The following MAPKAP1 variants were observed in gnomAD, a reference collection of about 807,000 sequenced individuals.
MAPKAP1 encodes MAPK associated protein 1, also known as target of rapamycin complex 2 subunit MAPKAP1.
A neutral mutation model predicts 65.7 loss-of-function variants in MAPKAP1; 20 were observed. That is an observed-to-expected ratio of 0.30 (90% CI 0.21 to 0.44). The LOEUF is 0.44. Ranked by LOEUF, MAPKAP1 falls within the 20% of genes least tolerant of loss-of-function variation. The pLI, the probability that MAPKAP1 is intolerant of heterozygous loss-of-function variation, is 1.00. For synonymous variants in MAPKAP1, 222 were observed against 244.3 expected, an observed-to-expected ratio of 0.91 and a Z score of 0.85; for missense variants, 423 against 648.0, an observed-to-expected ratio of 0.65 and a Z score of 3.77.
At chr9:125,492,698 A>G (rs916998345) in intron 8 of MAPKAP1, among the ~76,000 whole-genome samples, 1 of 152,236 alleles carries the variant, frequency 6.6e-6, no homozygotes, top group African/African-American at 2.4e-5. Flanking sequence ...TTATGGTTCA[A>G]GGAGTCTTAC....
chr9:125,545,839 TATC>T (rs566899719), intron 6 of MAPKAP1, among the ~76,000 whole-genome samples: 70 of 152,208 alleles, frequency 4.6e-4, no homozygotes, highest in Non-Finnish European at 8.5e-4. Context: ...CCCTGGCACT[TATC>T]ATCCACAGGC....
intron 8 of MAPKAP1, among the ~76,000 whole-genome samples, chr9:125,490,208 AC>A (rs1854646758): frequency 6.6e-6 from 1 of 152,220 alleles, no homozygotes; most frequent in Non-Finnish European, 1.5e-5. Flanking sequence ...GACATGACTT[AC>A]TTTTTTCATG....
intron 7 of MAPKAP1, among the ~76,000 whole-genome samples, chr9:125,533,075 A>G (rs546439240): frequency 4.6e-5 from 7 of 152,214 alleles, no homozygotes; most frequent in African/African-American, 1.7e-4. Flanking sequence ...ATTTCTCTAC[A>G]TGATGGGGTG....
chr9:125,457,964 A>C (rs1853254345), intron 10 of MAPKAP1, among the ~76,000 whole-genome samples: 1 of 152,008 alleles, frequency 6.6e-6, no homozygotes, highest in Non-Finnish European at 1.5e-5. Flanking sequence ...TCCATCTCTT[A>C]TCTCTGTCTT....
intron 9 of MAPKAP1, among the ~76,000 whole-genome samples, chr9:125,482,742 A>G (rs1291457008): frequency 6.6e-6 from 1 of 151,960 alleles, no homozygotes; most frequent in Non-Finnish European, 1.5e-5. Flanking sequence ...AGTTTCCAAG[A>G]ACCTTTGGAT....
At chr9:125,505,433 AAG>A (rs555616335) in intron 8 of MAPKAP1, among the ~76,000 whole-genome samples, 140 of 152,270 alleles carry the variant, frequency 9.2e-4, no homozygotes, top group African/African-American at 3.2e-3. Flanking sequence ...TCAAAAAAAA[AAG>A]AGTTTGAGAC....
intron 1 of MAPKAP1, among the ~76,000 whole-genome samples, chr9:125,706,345 G>C (rs1835758147): frequency 6.6e-6 from 1 of 152,068 alleles, no homozygotes; most frequent in Non-Finnish European, 1.5e-5. Context: ...GCTTTGTACA[G>C]TGCCAGGTAC....
intron 9 of MAPKAP1, 47 bp downstream of exon 9, chr9:125,484,396 C>T (rs765716858): frequency 1.7e-5 from 27 of 1,560,004 alleles, no homozygotes; most frequent in East Asian, 4.6e-5. Context: ...ATTTCTACAC[C>T]GACTGCTGAC....
At chr9:125,508,327 G>T (rs1829204100) in intron 7 of MAPKAP1, among the ~76,000 whole-genome samples, 1 of 152,150 alleles carries the variant, frequency 6.6e-6, no homozygotes, top group Admixed American at 6.5e-5. Flanking sequence ...TGGGTAGAAG[G>T]AATCTCAGAA....
chr9:125,596,007 G>C, intron 4 of MAPKAP1: 1 of 1,516,810 alleles, frequency 6.6e-7, no homozygotes, highest in South Asian at 1.1e-5. Flanking sequence ...CATTAAAGAA[G>C]ACACTGAAGA....
intron 5 of MAPKAP1, among the ~76,000 whole-genome samples, chr9:125,569,084 C>A (rs1717704550): frequency 1.3e-5 from 2 of 152,176 alleles, no homozygotes; most frequent in Admixed American, 1.3e-4. Flanking sequence ...GCCCACTTTT[C>A]CAGACAAGCC....
intron 4 of MAPKAP1, chr9:125,596,029 G>A (rs761688542): frequency 1.4e-5 from 21 of 1,476,084 alleles, no homozygotes; most frequent in Admixed American, 3.3e-5. Context: ...CATCACCTGC[G>A]AGATTATTTT....
intron 1 of MAPKAP1, among the ~76,000 whole-genome samples, chr9:125,702,669 C>T (rs745363785): frequency 7.9e-5 from 12 of 151,854 alleles, no homozygotes; most frequent in South Asian, 6.2e-4. Flanking sequence ...CTGGCCAACA[C>T]GGCAAAACCC....
At chr9:125,675,439 T>C (rs1445091305) in intron 1 of MAPKAP1, among the ~76,000 whole-genome samples, 1 of 152,220 alleles carries the variant, frequency 6.6e-6, no homozygotes, top group Non-Finnish European at 1.5e-5. Context: ...CAAACACTTC[T>C]GAAGGCACAT....
At chr9:125,520,608 C>G (rs1472071733) in intron 7 of MAPKAP1, among the ~76,000 whole-genome samples, 1 of 152,210 alleles carries the variant, frequency 6.6e-6, no homozygotes, top group African/African-American at 2.4e-5. Context: ...CTACAAAGAC[C>G]TCTTGTACTA....
At chr9:125,519,640 T>C (rs1444035493) in intron 7 of MAPKAP1, among the ~76,000 whole-genome samples, 3 of 135,830 alleles carry the variant, frequency 2.2e-5, no homozygotes, top group Non-Finnish European at 4.8e-5. Context: ...TATATATACA[T>C]ATATATGTCT....
intron 4 of MAPKAP1, among the ~76,000 whole-genome samples, chr9:125,648,718 G>A (rs1833803188): frequency 2.0e-5 from 3 of 152,104 alleles, no homozygotes; most frequent in South Asian, 4.2e-4. Flanking sequence ...CGAGGCAGGC[G>A]GATTACCTGG....
chr9:125,484,256 G>A (rs1854415906), intron 9 of MAPKAP1, among the ~76,000 whole-genome samples, 187 bp downstream of exon 9: 1 of 152,184 alleles, frequency 6.6e-6, no homozygotes, highest in African/African-American at 2.4e-5. Flanking sequence ...TCATAAAAAA[G>A]AAGACAAGAC....
rs1465564038 is a variant in MAPKAP1 at position 125,453,991 on chromosome 9, C to A, written c.1346-9393G>T. Among the ~76,000 whole-genome samples, 4 of 152,146 alleles carry A rather than the reference C, an allele frequency of 2.6e-5. No individual in the cohort carries two copies. The South Asian group carries it at 6.2e-4, about 24-fold the overall frequency. On this transcript the variant is annotated intron_variant, in intron 10 of 11. Coordinates refer to ENST00000265960, the MANE Select transcript of MAPKAP1 (RefSeq NM_001006617.3). ...TCCTTCATTTTCAAGAAAAGGTCTGCCCAATATTCATTTGAATAACCATAG... is the reference window on the plus strand; with the variant it reads ...TCCTTCATTTTCAAGAAAAGGTCTGACCAATATTCATTTGAATAACCATAG...
Sources: gnomAD v4.1 joint callset for allele counts (sites outside exome capture counted in the v4.1 genomes callset) on GRCh38, gnomAD v4.1.1 for gene constraint, MANE v1.5 for transcripts, NCBI Gene and HGNC (gene_info 2026-07-23, HGNC 2026-07-21) for gene names.